Variants in PLEKHH2 observed in about 807,000 individuals in gnomAD.
The protein encoded by PLEKHH2 is pleckstrin homology, MyTH4 and FERM domain containing H2.
PLEKHH2 carries 129 observed loss-of-function variants against 187.9 expected under a neutral mutation model. That is an observed-to-expected ratio of 0.69 (90% CI 0.59 to 0.79). The LOEUF is 0.79. Ranked by LOEUF, PLEKHH2 falls within the 30% of genes least tolerant of loss-of-function variation. PLEKHH2 has a pLI of 0.00. For missense variants in PLEKHH2, 2,076 were observed against 1,751.2 expected (o/e 1.19, Z -3.31); for synonymous variants, 686 against 605.6 (o/e 1.13, Z -1.95).
rs910474337 is a variant in PLEKHH2, at chr2:43,676,118, G to T, written c.124-2745G>T. On this transcript the variant is annotated intron_variant, in intron 2 of 29. Coordinates refer to ENST00000282406, the MANE Select transcript of PLEKHH2 (RefSeq NM_172069.4). ...TCTCCAAAGATGATACAGAAAACAC[G>T]AATACTTTTACTGAGCTCCAAGAGT... The T allele has an allele frequency of 5.0e-6, 8 of 1,613,868 alleles. No individual in the cohort carries two copies. In the Admixed American group the frequency reaches 5.0e-5, roughly 10 times the overall value.
rs1342944397 is a variant in PLEKHH2, at chr2:43,678,940, T to C, written c.186+15T>C. On this transcript the variant is annotated intron_variant, in intron 3 of 29. Transcript: ENST00000282406. The stretch of plus-strand genomic sequence containing the variant: ...CTTTTCAACAGGTAGAGTATAATTT[T>C]ACTTTAAATTTTTTTTGCCTGTACT... 3 of 1,591,122 alleles carry C rather than the reference T, an allele frequency of 1.9e-6. No homozygotes were observed. The highest frequency in any genetic ancestry group is 2.6e-6 in the Non-Finnish European group (3 of 1,164,266).
At chr2:43,684,622 C>G (rs1558484547) in intron 3 of PLEKHH2, among the ~76,000 whole-genome samples, 1 of 151,224 alleles carries the variant, frequency 6.6e-6, no homozygotes, top group Non-Finnish European at 1.5e-5. Flanking sequence ...GTTCCCGATT[C>G]AAGGGAAGCA....
chr2:43,718,137 T>C (rs554206020), intron 15 of PLEKHH2, among the ~76,000 whole-genome samples: 1 of 152,184 alleles, frequency 6.6e-6, no homozygotes, highest in African/African-American at 2.4e-5. Context: ...TGGTAAAAAA[T>C]TATTCTTTTA....
intron 15 of PLEKHH2, among the ~76,000 whole-genome samples, chr2:43,718,117 C>T (rs6719869): frequency 0.62 from 93,697 of 152,096 alleles, 30,315 homozygotes; most frequent in African/African-American, 0.8. Flanking sequence ...CTACCTTTGT[C>T]ATGGAAGCAT....
At chr2:43,666,537 C>G (rs539704694) in intron 2 of PLEKHH2, among the ~76,000 whole-genome samples, 27 of 152,192 alleles carry the variant, frequency 1.8e-4, no homozygotes, top group Non-Finnish European at 3.8e-4. Context: ...CGAACTGTTT[C>G]TAAGGAGACT....
chr2:43,699,762 C>G lies in PLEKHH2; in HGVS notation c.804C>G (p.Ser268Arg). 2 of 1,614,170 alleles carry G rather than the reference C, an allele frequency of 1.2e-6. No individual in the cohort carries two copies. Among genetic ancestry groups the G allele is most frequent in the Non-Finnish European group, 1.7e-6 (2 of 1,180,032 alleles). ...GSEQNRKTRTSFATDGGISQN... is the reference protein window; with the variant it reads ...GSEQNRKTRTRFATDGGISQN... ...AACAGAATCGGAAAACAAGAACAAGCTTTGCCACAGATGGTGGCATCTCCC... is the reference window on the plus strand; with the variant it reads ...AACAGAATCGGAAAACAAGAACAAGGTTTGCCACAGATGGTGGCATCTCCC... The change falls in exon 8 of 30, where the codon AGC becomes AGG. Residue 268 changes from serine to arginine, a missense_variant. Coordinates refer to ENST00000282406, the MANE Select transcript of PLEKHH2 (RefSeq NM_172069.4).
chr2:43,676,152 T>C, intron 2 of PLEKHH2: 2 of 1,614,038 alleles, frequency 1.2e-6, no homozygotes, highest in Non-Finnish European at 1.7e-6. Context: ...GTATCACTTT[T>C]GAAGTGTTTA....
intron 2 of PLEKHH2, among the ~76,000 whole-genome samples, chr2:43,660,017 A>G (rs1374321208): frequency 1.3e-5 from 2 of 152,102 alleles, no homozygotes; most frequent in Non-Finnish European, 2.9e-5. Context: ...CACCTCAGAA[A>G]TTTCCCTCCT....
At chr2:43,741,104 A>T (rs1671542921) in intron 21 of PLEKHH2, 61 bp downstream of exon 21, 3 of 1,445,970 alleles carry the variant, frequency 2.1e-6, no homozygotes, top group African/African-American at 1.4e-5. Context: ...ACGATAAATC[A>T]TAAGTATTTA....
At position 43,710,520 on chromosome 2, in the gene PLEKHH2, T is replaced by A. The variant is rs1208884802; in HGVS notation, c.2246T>A (p.Ile749Asn). 1 of 1,598,828 alleles carries A rather than the reference T, an allele frequency of 6.3e-7. No individual in the cohort carries two copies. The highest frequency in any genetic ancestry group is 1.2e-5 in the South Asian group (1 of 86,030). Residue 749 changes from isoleucine to asparagine, a missense_variant, in exon 14 of 30, where the codon ATT becomes AAT. By Grantham distance (149) the Ile-to-Asn change is moderately radical. Coordinates refer to ENST00000282406, the MANE Select transcript of PLEKHH2 (RefSeq NM_172069.4). The stretch of plus-strand genomic sequence containing the variant: ...GTAATTAGAAAACCCCAGGGCCATA[T>A]TGAACTTAGTGCATCCTGTAGTATT... ...SDVIRKPQGH[I>N]ELSASCSILR...
At chr2:43,758,500 G>A (rs945940941) in intron 26 of PLEKHH2, among the ~76,000 whole-genome samples, 1 of 152,106 alleles carries the variant, frequency 6.6e-6, no homozygotes, top group African/African-American at 2.4e-5. Flanking sequence ...TGATCCTCCC[G>A]CCTCGGCCTC....
chr2:43,684,820 A>AAG (rs1668416603), intron 3 of PLEKHH2, among the ~76,000 whole-genome samples: 1 of 94,076 alleles, frequency 1.1e-5, no homozygotes, highest in African/African-American at 8.0e-5. Flanking sequence ...TCCCATTACC[A>AAG]AAAAAAAAAA....
Position 43,765,966 on chromosome 2 carries a change from A to G in PLEKHH2, c.*368A>G. ...TTAGAAAGGGAGATTCCAAACTCCCATTTGGTAAACCAGTTGATTATTTGG... is the reference window on the plus strand; with the variant it reads ...TTAGAAAGGGAGATTCCAAACTCCCGTTTGGTAAACCAGTTGATTATTTGG... On this transcript the variant is annotated 3_prime_UTR_variant, in exon 30 of 30. Transcript: ENST00000282406. The G allele has an allele frequency of 5.6e-6, 1 of 177,242 alleles. No homozygotes were observed. The highest frequency in any genetic ancestry group is 1.2e-5 in the Non-Finnish European group (1 of 84,454). 11.0% of individuals were successfully genotyped at this position (177,242 alleles called of 1,614,324 possible). A position where few individuals can be genotyped will look rare whatever the true frequency, so the allele number is the denominator to read the frequency against.
intron 1 of PLEKHH2, among the ~76,000 whole-genome samples, chr2:43,641,841 A>T (rs1358494138): frequency 6.6e-6 from 1 of 152,224 alleles, no homozygotes; most frequent in East Asian, 1.9e-4. Context: ...GTTTATCTAT[A>T]TATCTATCTT....
intron 25 of PLEKHH2, among the ~76,000 whole-genome samples, chr2:43,754,749 C>T (rs373266129): frequency 3.9e-5 from 6 of 152,284 alleles, no homozygotes; most frequent in East Asian, 3.9e-4. Context: ...TGGCTCTTCA[C>T]GCTACACTCT....
chr2:43,707,291 G>A (rs1251540156), intron 10 of PLEKHH2, 110 bp from the exon 11 acceptor site: 2 of 1,188,408 alleles, frequency 1.7e-6, no homozygotes, highest in East Asian at 2.4e-5. Context: ...TGGATACAGG[G>A]AGGTTGCTCT....
chr2:43,738,525 A>G lies in PLEKHH2; in HGVS notation c.3123+5A>G, dbSNP rs1252594965. ...AATCAACCAGGACCATTGCAGGTAG[A>G]TATTAATATTGATACATATACATGC... On this transcript the variant is annotated splice_donor_5th_base_variant and intron_variant, in intron 20 of 29. Transcript: ENST00000282406. 9.4e-6 allele frequency: 15 copies of G among 1,596,208 alleles called. No individual in the cohort carries two copies. The highest frequency in any genetic ancestry group is 1.3e-5 in the Non-Finnish European group (15 of 1,168,466).
chr2:43,751,438 G>T (rs1038583316), intron 24 of PLEKHH2, among the ~76,000 whole-genome samples: 6 of 152,198 alleles, frequency 3.9e-5, no homozygotes, highest in Admixed American at 6.5e-5. Context: ...GGCAACAGTA[G>T]GAAATAAATG....
chr2:43,719,941 G>T (rs767090529), intron 15 of PLEKHH2, among the ~76,000 whole-genome samples: 1 of 152,028 alleles, frequency 6.6e-6, no homozygotes, highest in Admixed American at 6.6e-5. Flanking sequence ...ATGGCTATTG[G>T]AAATCTGTGA....
Sources: allele counts gnomAD v4.1 joint callset (sites outside exome capture counted in the v4.1 genomes callset), GRCh38; gene constraint gnomAD v4.1.1; transcripts MANE v1.5; gene names NCBI Gene and HGNC (gene_info 2026-07-23, HGNC 2026-07-21).